RAPGEF4: variants seen among roughly 807,000 people sequenced by gnomAD.
RAPGEF4 encodes RAP guanine-nucleotide-exchange factor (GEF) 4.
A neutral mutation model predicts 147.9 loss-of-function variants in RAPGEF4; 66 were observed. The observed-to-expected ratio is 0.45, with a 90% confidence interval of 0.37 to 0.55. The LOEUF (loss-of-function observed/expected upper bound fraction) is 0.55, where lower values mean the gene tolerates loss of function less well. RAPGEF4 is among the 20% of genes least tolerant of loss of function. The probability of loss-of-function intolerance (pLI) is 0.00; values close to 1 mark genes in which losing one functional copy is unlikely to be tolerated. For synonymous variants in RAPGEF4, 419 were observed against 442.7 expected (o/e 0.95, Z 0.67); for missense variants, 1,071 against 1,257.3 (o/e 0.85, Z 2.24).
intron 4 of RAPGEF4, among the ~76,000 whole-genome samples, chr2:172,819,493 T>C (rs1482391282): frequency 1.3e-4 from 12 of 92,618 alleles, no homozygotes; most frequent in African/African-American, 5.3e-4. Flanking sequence ...TGAGACGGAG[T>C]CTCGCTCTGT....
intron 6 of RAPGEF4, among the ~76,000 whole-genome samples, chr2:172,931,188 T>TGGGGGGGGGGGGGGGGGGGG (rs1575283791): frequency 6.6e-4 from 1 of 1,514 alleles, no homozygotes; most frequent in Non-Finnish European, 1.6e-3. Flanking sequence ...GGGGGGGCGC[T>TGGGGGGGGGGGGGGGGGGGG]GGGGGGCGGG....
rs182370797 is a variant in RAPGEF4, at chr2:172,854,228, T to A, written c.444+39803T>A. Among the ~76,000 whole-genome samples, 468 of 152,130 alleles carry A rather than the reference T, an allele frequency of 3.1e-3. 4 individuals carry two copies. The highest frequency in any genetic ancestry group is 0.022 in the East Asian group (113 of 5,188). On this transcript the variant is annotated intron_variant, in intron 4 of 30. Coordinates refer to ENST00000397081, the MANE Select transcript of RAPGEF4 (RefSeq NM_007023.4). ...AGTATTTGTCTTTTTCTTCAATAAT[T>A]TTTTTAATTTTTTGCTTTTTAACAT...
At chr2:172,973,219 GCTCCCAC>G (rs1690697261) in intron 10 of RAPGEF4, among the ~76,000 whole-genome samples, 1 of 150,832 alleles carries the variant, frequency 6.6e-6, no homozygotes, top group Non-Finnish European at 1.5e-5. Flanking sequence ...CTCAAGTGGT[GCTCCCAC>G]CTCAGCCTCC....
chr2:172,974,686 A>T (rs192024585), intron 10 of RAPGEF4, among the ~76,000 whole-genome samples: 1 of 152,280 alleles, frequency 6.6e-6, no homozygotes, highest in East Asian at 1.9e-4. Context: ...CCATCTCAAA[A>T]AAATAAAATT....
At chr2:173,022,659 G>A (rs1038502630) in intron 23 of RAPGEF4, among the ~76,000 whole-genome samples, 12 of 152,204 alleles carry the variant, frequency 7.9e-5, no homozygotes, top group Non-Finnish European at 1.8e-4. Context: ...AAGTGCCCCA[G>A]AGCCTCTGTC....
At chr2:172,802,080 G>A (rs1195291636) in intron 3 of RAPGEF4, among the ~76,000 whole-genome samples, 2 of 152,228 alleles carry the variant, frequency 1.3e-5, no homozygotes, top group Non-Finnish European at 1.5e-5. Flanking sequence ...AGAACTGACG[G>A]TGATGGGATG....
At chr2:172,996,624 T>C in intron 16 of RAPGEF4, 70 bp downstream of exon 16, 1 of 1,090,348 alleles carries the variant, frequency 9.2e-7, no homozygotes, top group Non-Finnish European at 1.3e-6. Context: ...CCTGAATTCA[T>C]TTGCAGTGTG....
rs190441666 is a variant in RAPGEF4 at position 172,875,556 on chromosome 2, G to A, written c.445-42246G>A. On this transcript the variant is annotated intron_variant, in intron 4 of 30. Coordinates refer to ENST00000397081, the MANE Select transcript of RAPGEF4 (RefSeq NM_007023.4). ...CAGGTTTGTCAAAAATCAGATGATT[G>A]TAGATGTGTGGTATTATTTCGGAGG... Among the ~76,000 whole-genome samples the A allele has an allele frequency of 9.9e-5, 15 of 152,214 alleles. No individual in the cohort carries two copies. The East Asian group carries it at 2.9e-3, about 29-fold the overall frequency.
intron 1 of RAPGEF4, among the ~76,000 whole-genome samples, chr2:172,736,639 A>G (rs1300721245): frequency 6.6e-6 from 1 of 152,190 alleles, no homozygotes; most frequent in Non-Finnish European, 1.5e-5. Flanking sequence ...TCTCGGGAAA[A>G]GATCTTTACG....
intron 8 of RAPGEF4, among the ~76,000 whole-genome samples, chr2:172,964,577 G>A (rs752942479): frequency 6.6e-6 from 1 of 151,976 alleles, no homozygotes; most frequent in Non-Finnish European, 1.5e-5. Flanking sequence ...ATTTCAACTA[G>A]AGAGGAGCTC....
chr2:172,743,949 A>C (rs1003964421), intron 1 of RAPGEF4, among the ~76,000 whole-genome samples: 2 of 152,174 alleles, frequency 1.3e-5, no homozygotes, highest in African/African-American at 4.8e-5. Flanking sequence ...TCTCTAAAGC[A>C]TTCTTTGTTT....
chr2:172,968,820 G>A (rs1690145993), intron 10 of RAPGEF4, among the ~76,000 whole-genome samples: 1 of 152,178 alleles, frequency 6.6e-6, no homozygotes, highest in East Asian at 1.9e-4. Flanking sequence ...GAGAATCCCT[G>A]GGGCCTGGGG....
rs145988689 is a variant in RAPGEF4 at position 172,968,274 on chromosome 2, G to A, written c.1004+830G>A. Among the ~76,000 whole-genome samples the A allele has an allele frequency of 7.7e-3, 1,166 of 152,260 alleles. 13 individuals carry two copies. The highest frequency in any genetic ancestry group is 0.026 in the African/African-American group (1,062 of 41,542). On this transcript the variant is annotated intron_variant, in intron 10 of 30. Coordinates refer to ENST00000397081, the MANE Select transcript of RAPGEF4 (RefSeq NM_007023.4). ...AGACGCCCTCTGCCCCACAGCCAGC[G>A]TCGGCCAGCTGTGGATGTCAGCTCT...
intron 4 of RAPGEF4, among the ~76,000 whole-genome samples, chr2:172,907,086 G>T (rs1484195720): frequency 6.6e-6 from 1 of 152,166 alleles, no homozygotes; most frequent in Non-Finnish European, 1.5e-5. Context: ...TCTGGTGGTT[G>T]CTCTGCCAGC....
intron 22 of RAPGEF4, among the ~76,000 whole-genome samples, chr2:173,019,708 A>G (rs183668475): frequency 2.3e-4 from 35 of 152,322 alleles, no homozygotes; most frequent in Admixed American, 5.9e-4. Context: ...CACAAGGCCC[A>G]GGATGTCTGC....
chr2:172,748,578 C>G (rs1263213495), intron 1 of RAPGEF4, among the ~76,000 whole-genome samples: 1 of 152,164 alleles, frequency 6.6e-6, no homozygotes, highest in East Asian at 1.9e-4. Flanking sequence ...TCCCACAACA[C>G]AAGGGAATTA....
At chr2:173,034,751 G>A (rs1683707392) in intron 27 of RAPGEF4, among the ~76,000 whole-genome samples, 1 of 151,842 alleles carries the variant, frequency 6.6e-6, no homozygotes, top group Non-Finnish European at 1.5e-5. Context: ...GCCTACACCT[G>A]TGGTCCCAGC....
chr2:172,851,703 C>A (rs1205211851), intron 4 of RAPGEF4, among the ~76,000 whole-genome samples: 2 of 152,072 alleles, frequency 1.3e-5, no homozygotes, highest in Admixed American at 6.5e-5. Context: ...AACAGAAAAC[C>A]AAACACTGCC....
intron 3 of RAPGEF4, among the ~76,000 whole-genome samples, chr2:172,800,016 C>A (rs1302742407): frequency 6.6e-6 from 1 of 152,162 alleles, no homozygotes. Flanking sequence ...ACAGATTCAA[C>A]AATTTTAACT....
Sources: gnomAD v4.1 joint callset for allele counts (sites outside exome capture counted in the v4.1 genomes callset) on GRCh38, gnomAD v4.1.1 for gene constraint, MANE v1.5 for transcripts, NCBI Gene and HGNC (gene_info 2026-07-23, HGNC 2026-07-21) for gene names.